SCNN1D: variants seen among roughly 807,000 people sequenced by gnomAD.
SCNN1D encodes the protein sodium channel epithelial 1 subunit delta.
SCNN1D carries 104 observed loss-of-function variants against 87.8 expected under a neutral mutation model. The ratio of observed to expected loss-of-function variants is 1.18; its 90% CI spans 1.01 to 1.39. The LOEUF (loss-of-function observed/expected upper bound fraction) is 1.39. Ranked by LOEUF, SCNN1D falls within the 40% of genes most tolerant of loss-of-function variation. The pLI is 0.00. For synonymous variants in SCNN1D, 628 were observed against 481.2 expected, an observed-to-expected ratio of 1.31 and a Z score of -3.99; for missense variants, 1,324 against 1,093.9, an observed-to-expected ratio of 1.21 and a Z score of -2.97.
intron 3 of SCNN1D, 154 bp from the exon 4 acceptor site, chr1:1,282,088 G>C: frequency 1.6e-6 from 1 of 624,352 alleles, no homozygotes; most frequent in Non-Finnish European, 2.9e-6. Flanking sequence ...GGGCCCTGCC[G>C]CTGACCTGTG....
In SCNN1D at chr1:1,284,009, G is replaced by T; in HGVS notation, c.383G>T (p.Cys128Phe). ...EARGSILLQS[C>F]QLPPQWLSTE... ...AGAGGCTCCATCCTGCTTCAGAGCT[G>T]CCAGCTGCCCCCGCAATGGCTGAGC... Residue 128 changes from cysteine (C) to phenylalanine (F), a missense_variant, in exon 5 of 18, where the codon TGC becomes TTC. Coordinates refer to ENST00000379116, the MANE Select transcript of SCNN1D (RefSeq NM_001130413.4). 2 of 1,439,388 alleles carry T rather than the reference G, an allele frequency of 1.4e-6. No homozygotes were observed. Among genetic ancestry groups the T allele is most frequent in the Non-Finnish European group, 1.8e-6 (2 of 1,102,482 alleles). 89.2% of individuals were successfully genotyped at this position (1,439,388 alleles called of 1,614,324 possible).
rs75670559 is a variant in SCNN1D at position 1,291,591 on chromosome 1, T to C, written c.2390T>C (p.Leu797Pro). The change falls in exon 18 of 18, where the codon CTT becomes CCT. Residue 797 changes from leucine to proline, a missense_variant. By Grantham distance (98) the Leu-to-Pro change is moderately conservative. Coordinates refer to ENST00000379116, the MANE Select transcript of SCNN1D (RefSeq NM_001130413.4). ...GAGAGCTGGGCTGGGCCCCAGCCCC[T>C]TGAGACTCTGGACACCTGAACCAGA... is the stretch of plus-strand genomic sequence containing the variant. ...AEESWAGPQP[L>P]ETLDT 2,149 of 1,544,728 alleles carry C rather than the reference T, an allele frequency of 1.4e-3. 30 individuals carry two copies. The African/African-American group carries it at 0.026, about 19-fold the overall frequency.
intron 4 of SCNN1D, among the ~76,000 whole-genome samples, chr1:1,283,476 A>C (rs368251545): frequency 5.5e-4 from 83 of 152,194 alleles, no homozygotes; most frequent in African/African-American, 1.8e-3. Context: ...AGGCGGGCGG[A>C]TCACCTGAGG....
Position 1,291,813 on chromosome 1 carries a change from C to CGGGGGGG in SCNN1D, c.*205_*206insGGGGGGG. ...GGGTGGGTCTCAAGGAGGCCCGGGG[C>CGGGGGGG]GGAGGGGGGTTCCCGCGTGCACACG... On this transcript the variant is annotated 3_prime_UTR_variant, in exon 18 of 18. Transcript: ENST00000379116. 1 of 456,458 alleles carries CGGGGGGG rather than the reference C, an allele frequency of 2.2e-6. No homozygotes were observed. Among genetic ancestry groups the CGGGGGGG allele is most frequent in the African/African-American group, 2.1e-5 (1 of 47,390 alleles). The allele number at this position is 456,458 out of a possible 1,614,324, so 28.3% of individuals were successfully genotyped here.
intron 5 of SCNN1D, among the ~76,000 whole-genome samples, 162 bp downstream of exon 5, chr1:1,284,252 A>C: frequency 2.0e-5 from 1 of 49,576 alleles, no homozygotes; most frequent in South Asian, 9.1e-4. Context: ...TCAAGGTACC[A>C]AGGTGGTGGT....
At chr1:1,286,403 C>A (rs767390385) in intron 7 of SCNN1D, 125 bp downstream of exon 7, 47 of 781,798 alleles carry the variant, frequency 6.0e-5, no homozygotes, top group Non-Finnish European at 9.0e-5. Context: ...CAATGCCACC[C>A]TCCTGGTCAC....
At chr1:1,286,675 G>T in intron 7 of SCNN1D, 93 bp from the exon 8 acceptor site, 2 of 1,218,974 alleles carry the variant, frequency 1.6e-6, no homozygotes, top group East Asian at 2.4e-5. Flanking sequence ...CCGAGTAGGG[G>T]AGGCACTGCT....
chr1:1,282,065 G>C (rs774526526), intron 3 of SCNN1D, 177 bp from the exon 4 acceptor site: 7 of 613,786 alleles, frequency 1.1e-5, no homozygotes, highest in Non-Finnish European at 2.1e-5. Context: ...CCCCAGGCCT[G>C]TGCTGTGTCC....
intron 4 of SCNN1D, 57 bp from the exon 5 acceptor site, chr1:1,283,921 C>T (rs898288583): frequency 8.6e-6 from 9 of 1,047,186 alleles, no homozygotes; most frequent in East Asian, 3.5e-5. Context: ...GCTGCCCTGG[C>T]TGGGTCCTCC....
chr1:1,289,947 C>CCT (rs1640730689), intron 12 of SCNN1D, among the ~76,000 whole-genome samples: 2 of 56,994 alleles, frequency 3.5e-5, no homozygotes, highest in Non-Finnish European at 5.8e-5. Context: ...TCTGCTCCGT[C>CCT]CCGTGTCTCT....
At chr1:1,284,799 C>T (rs552988601) in intron 5 of SCNN1D, among the ~76,000 whole-genome samples, 1 of 152,234 alleles carries the variant, frequency 6.6e-6, no homozygotes, top group African/African-American at 2.4e-5. Flanking sequence ...AGTCCTGTCT[C>T]ACACACACGC....
chr1:1,287,790 G>C lies in SCNN1D; in HGVS notation c.1517G>C (p.Ser506Thr). ...CACACGCCCTTCCTGGGGCACCACA[G>C]CTTCAGCGTCCGGCCAGGGACGGAG... Reference protein sequence around the residue: ...RNHTPFLGHHSFSVRPGTEAT... With the variant: ...RNHTPFLGHHTFSVRPGTEAT... The change falls in exon 11 of 18, where the codon AGC (serine) becomes ACC (threonine). Residue 506 changes from serine (S) to threonine (T), a missense_variant. Coordinates refer to ENST00000379116, the MANE Select transcript of SCNN1D (RefSeq NM_001130413.4). The C allele has an allele frequency of 3.1e-6, 5 of 1,589,352 alleles. No individual in the cohort carries two copies. The highest frequency in any genetic ancestry group is 4.3e-6 in the Non-Finnish European group (5 of 1,168,352).
At position 1,288,227 on chromosome 1, in the gene SCNN1D, CT is replaced by C. The variant is rs1640658511; in HGVS notation, c.1662+191del. ...CCTGTGTCTCTGCTCCGTCCCGTGT[CT>C]CTGCTCCGTCCCGTGTCTCTGCTCC... On this transcript the variant is annotated intron_variant, in intron 12 of 17. Coordinates refer to ENST00000379116, the MANE Select transcript of SCNN1D (RefSeq NM_001130413.4). Among the ~76,000 whole-genome samples the C allele has an allele frequency of 1.0e-4, 14 of 136,022 alleles. No homozygotes were observed. The South Asian group carries it at 1.1e-3, about 11-fold the overall frequency. 89.2% of individuals were successfully genotyped at this position (136,022 alleles called of 152,430 possible).
chr1:1,282,547 ACAC>A (rs1288427866), intron 4 of SCNN1D, among the ~76,000 whole-genome samples: 1 of 131,430 alleles, frequency 7.6e-6, no homozygotes, highest in Non-Finnish European at 1.5e-5. Flanking sequence ...GGGGACAGGG[ACAC>A]CTGCCTTCCA....
At chr1:1,285,064 G>T (rs1640559230) in intron 5 of SCNN1D, among the ~76,000 whole-genome samples, 1 of 152,232 alleles carries the variant, frequency 6.6e-6, no homozygotes, top group African/African-American at 2.4e-5. Context: ...GGGACGCAGG[G>T]TGAGCAGAGC....
At chr1:1,282,377 C>T (rs1557579084) in intron 4 of SCNN1D, 62 bp downstream of exon 4, 2 of 1,529,490 alleles carry the variant, frequency 1.3e-6, no homozygotes, top group Non-Finnish European at 1.8e-6. Context: ...GGGCTGGGCT[C>T]CCCCAGCCAA....
chr1:1,282,122 C>T, intron 3 of SCNN1D, 120 bp from the exon 4 acceptor site: 3 of 666,112 alleles, frequency 4.5e-6, no homozygotes, highest in South Asian at 3.5e-5. Flanking sequence ...ATCAGCAAGC[C>T]CCCTGCCGCG....
At chr1:1,282,602 T>C (rs564263461) in intron 4 of SCNN1D, among the ~76,000 whole-genome samples, 8 of 152,168 alleles carry the variant, frequency 5.3e-5, no homozygotes, top group African/African-American at 1.9e-4. Context: ...TGGGAGACTG[T>C]GATTTGGACC....
At chr1:1,280,727 C>A in intron 1 of SCNN1D, 61 bp downstream of exon 1, 1 of 697,390 alleles carries the variant, frequency 1.4e-6, no homozygotes, top group South Asian at 1.5e-5. Flanking sequence ...TTTGGAATGC[C>A]CATGGCTAAG....
Sources: gnomAD v4.1 joint callset for allele counts (sites outside exome capture counted in the v4.1 genomes callset) on GRCh38, gnomAD v4.1.1 for gene constraint, MANE v1.5 for transcripts, NCBI Gene and HGNC (gene_info 2026-07-23, HGNC 2026-07-21) for gene names.